Variants in ARL5C observed in about 807,000 individuals in gnomAD.
The protein encoded by ARL5C is putative ADP-ribosylation factor-like protein 5C.
Under a neutral mutation model 20.8 loss-of-function variants are expected in ARL5C, and 21 were observed. The observed-to-expected ratio is 1.01, with a 90% CI of 0.72 to 1.46. The LOEUF is 1.46. ARL5C is among the 40% of genes most tolerant of loss of function. The pLI is 0.00. For synonymous variants in ARL5C, 71 were observed against 81.6 expected (o/e 0.87, Z 0.70); for missense variants, 199 against 225.1 (o/e 0.88, Z 0.74).
intron 2 of ARL5C, among the ~76,000 whole-genome samples, chr17:39,163,345 CCTTTCTTTCTTT>C (rs57401429): frequency 0.036 from 4,864 of 136,836 alleles, 114 homozygotes; most frequent in Middle Eastern, 0.047. Flanking sequence ...CAGGCTTTTG[CCTTTCTTTCTTT>C]CTTTCTTTCT....
In ARL5C at chr17:39,160,590, C is replaced by A. The variant is rs1457985251; in HGVS notation, c.491+1G>T. 8.4e-6 allele frequency: 13 copies of A among 1,551,630 alleles called. No homozygotes were observed. Among genetic ancestry groups the A allele is most frequent in the Non-Finnish European group, 8.7e-6 (10 of 1,146,950 alleles). ...GAGATCCAGGTAGGGCAGCCACTAA[C>A]CCTTCCCTGGTGAGGGCACAGCAGC... On this transcript the variant is annotated splice_donor_variant, in intron 5 of 5. Coordinates refer to ENST00000269586, the MANE Select transcript of ARL5C (RefSeq NM_001143968.1). LOFTEE classifies it high-confidence loss of function.
rs115122670 is a variant in ARL5C, at chr17:39,158,325, C to T, written c.492-1383G>A. Among the ~76,000 whole-genome samples, 884 of 151,860 alleles carry T rather than the reference C, an allele frequency of 5.8e-3. 11 individuals carry two copies. The highest frequency in any genetic ancestry group is 0.02 in the African/African-American group (811 of 41,446). ...AAAGTCTCCCCTTCTTCAAAAAACACATCTGCGCCAGGCGTGGTAGCTCAC... is the reference window on the plus strand; with the variant it reads ...AAAGTCTCCCCTTCTTCAAAAAACATATCTGCGCCAGGCGTGGTAGCTCAC... On this transcript the variant is annotated intron_variant, in intron 5 of 5. Coordinates refer to ENST00000269586, the MANE Select transcript of ARL5C (RefSeq NM_001143968.1).
At chr17:39,160,493 C>T in intron 5 of ARL5C, 98 bp downstream of exon 5, 1 of 1,449,418 alleles carries the variant, frequency 6.9e-7, no homozygotes, top group African/African-American at 1.4e-5. Flanking sequence ...CAACTGTGAA[C>T]CAGATTCTCA....
chr17:39,162,623 T>C (rs2045440410), intron 3 of ARL5C, 88 bp downstream of exon 3: 1 of 1,446,784 alleles, frequency 6.9e-7, no homozygotes, highest in South Asian at 1.4e-5. Flanking sequence ...ATTTCACAAG[T>C]TGGGGAACCA....
At chr17:39,159,590 C>T (rs2045424680) in intron 5 of ARL5C, among the ~76,000 whole-genome samples, 1 of 152,152 alleles carries the variant, frequency 6.6e-6, no homozygotes, top group Admixed American at 6.5e-5. Flanking sequence ...AGCCACCGCG[C>T]CCCGCCATCA....
chr17:39,165,016 C>T, intron 2 of ARL5C, 63 bp downstream of exon 2: 1 of 1,508,108 alleles, frequency 6.6e-7, no homozygotes, highest in South Asian at 1.2e-5. Flanking sequence ...GTGATTGGTC[C>T]CCCTGCCTGT....
At chr17:39,165,632 C>G in intron 1 of ARL5C, 83 bp downstream of exon 1, 2 of 1,528,000 alleles carry the variant, frequency 1.3e-6, no homozygotes, top group South Asian at 1.2e-5. Context: ...CGAGGTCCCC[C>G]CGTGCGTCCG....
chr17:39,161,595 C>T (rs1366567683), intron 3 of ARL5C, among the ~76,000 whole-genome samples: 1 of 151,358 alleles, frequency 6.6e-6, no homozygotes, highest in Non-Finnish European at 1.5e-5. Flanking sequence ...TTCACTCCAA[C>T]TTCTGCCTCC....
At chr17:39,162,955 A>G in intron 2 of ARL5C, 97 bp from the exon 3 acceptor site, 2 of 1,418,010 alleles carry the variant, frequency 1.4e-6, no homozygotes, top group South Asian at 1.4e-5. Context: ...AATCTAACTC[A>G]GAACAAGTCC....
intron 1 of ARL5C, 154 bp downstream of exon 1, chr17:39,165,561 G>A (rs1280617251): frequency 1.1e-6 from 1 of 876,614 alleles, no homozygotes; most frequent in Non-Finnish European, 1.7e-6. Context: ...GAGCAGGCAG[G>A]GACGGGGGCA....
chr17:39,159,160 C>T (rs1434724521), intron 5 of ARL5C, among the ~76,000 whole-genome samples: 2 of 142,698 alleles, frequency 1.4e-5, no homozygotes, highest in Non-Finnish European at 3.0e-5. Flanking sequence ...ACCTCATGAG[C>T]AGTTAGGAAT....
intron 2 of ARL5C, among the ~76,000 whole-genome samples, chr17:39,163,346 C>CTTTCTTTCTTTCTTTCTTTCTTTCTT (rs1567781315): frequency 1.3e-3 from 25 of 18,598 alleles, no homozygotes; most frequent in East Asian, 2.1e-3. Flanking sequence ...AGGCTTTTGC[C>CTTTCTTTCTTTCTTTCTTTCTTTCTT]TTTCTTTCTT....
rs1424924666 is a variant in ARL5C at position 39,165,388 on chromosome 17, C to G, written c.47-249G>C. On this transcript the variant is annotated intron_variant, in intron 1 of 5. Coordinates refer to ENST00000269586, the MANE Select transcript of ARL5C (RefSeq NM_001143968.1). ...CTGAAAGGCCCGGGGCGCTTCGGGG[C>G]TTGCCAAGAGACGGTGTTTAGAGAA... 3 of 590,974 alleles carry G rather than the reference C, an allele frequency of 5.1e-6. No homozygotes were observed. The Admixed American group carries it at 9.0e-5, about 18-fold the overall frequency. 36.6% of individuals were successfully genotyped at this position (590,974 alleles called of 1,614,324 possible). A position where few individuals can be genotyped will look rare whatever the true frequency, so the allele number is the denominator to read the frequency against.
intron 5 of ARL5C, among the ~76,000 whole-genome samples, chr17:39,159,486 G>T (rs1336965962): frequency 6.6e-6 from 1 of 151,746 alleles, no homozygotes; most frequent in East Asian, 1.9e-4. Flanking sequence ...TAGTAGAGAC[G>T]GGGTTCCTCC....
At chr17:39,158,381 G>A (rs1456456636) in intron 5 of ARL5C, among the ~76,000 whole-genome samples, 2 of 152,160 alleles carry the variant, frequency 1.3e-5, no homozygotes, top group Admixed American at 1.3e-4. Flanking sequence ...GGGAGGCCAA[G>A]GCAGGAAGAT....
intron 5 of ARL5C, among the ~76,000 whole-genome samples, chr17:39,158,615 C>CAA (rs35435843): frequency 1.9e-4 from 23 of 123,764 alleles, no homozygotes; most frequent in Admixed American, 3.5e-4. Context: ...GACCCTGCCT[C>CAA]AAAAAAAAAA....
At chr17:39,159,232 C>T (rs2045422631) in intron 5 of ARL5C, among the ~76,000 whole-genome samples, 2 of 128,208 alleles carry the variant, frequency 1.6e-5, no homozygotes, top group South Asian at 5.3e-4. Context: ...AAGACAGAGT[C>T]TCGCTCTGTT....
chr17:39,165,088 AGAATGGTGGTC>A lies in ARL5C; in HGVS notation c.87_97del (p.Lys29AsnfsTer8). The A allele has an allele frequency of 1.9e-6, 3 of 1,551,678 alleles. No homozygotes were observed. Among genetic ancestry groups the A allele is most frequent in the Non-Finnish European group, 2.6e-6 (3 of 1,146,982 alleles). On this transcript the variant is annotated frameshift_variant, in exon 2 of 6. Coordinates refer to ENST00000269586, the MANE Select transcript of ARL5C (RefSeq NM_001143968.1). LOFTEE classifies it high-confidence loss of function. Reference sequence around the variant, plus strand: ...CCCGAGAGTCACTTACAACCGGTAGAGAATGGTGGTCTTTCCTTCATTGTCCAGTCCCACGA... The same window carrying A: ...CCCGAGAGTCACTTACAACCGGTAGATTTCCTTCATTGTCCAGTCCCACGA...
intron 2 of ARL5C, among the ~76,000 whole-genome samples, chr17:39,163,733 C>G (rs1235267526): frequency 7.2e-6 from 1 of 138,856 alleles, no homozygotes; most frequent in Admixed American, 7.6e-5. Context: ...GAGATGTAGT[C>G]TCTCTCTGTC....
Sources: gnomAD v4.1 joint callset for allele counts (sites outside exome capture counted in the v4.1 genomes callset) on GRCh38, gnomAD v4.1.1 for gene constraint, MANE v1.5 for transcripts, NCBI Gene and HGNC (gene_info 2026-07-23, HGNC 2026-07-21) for gene names.